Variants in HHAT observed in about 807,000 individuals in gnomAD.
HHAT encodes the protein hedgehog acyltransferase, also known as protein-cysteine N-palmitoyltransferase HHAT.
Under a neutral mutation model 70.8 loss-of-function variants are expected in HHAT, and 47 were observed. That is an observed-to-expected ratio of 0.66 (90% CI 0.53 to 0.85). The LOEUF is 0.85. Among genes scored for constraint, HHAT ranks in the 40% least tolerant of loss-of-function variants. The probability of loss-of-function intolerance (pLI) is 0.00; values close to 1 mark genes in which losing one functional copy is unlikely to be tolerated. For synonymous variants in HHAT, 228 were observed against 247.6 expected, an observed-to-expected ratio of 0.92 and a Z score of 0.74; for missense variants, 609 against 604.8, an observed-to-expected ratio of 1.01 and a Z score of -0.07.
intron 9 of HHAT, among the ~76,000 whole-genome samples, chr1:210,518,410 C>T (rs989930001): frequency 3.3e-5 from 5 of 152,176 alleles, no homozygotes; most frequent in Non-Finnish European, 5.9e-5. Flanking sequence ...TCACAAATAA[C>T]AGGATTTCAT....
At chr1:210,567,050 T>G (rs1384220667) in intron 9 of HHAT, among the ~76,000 whole-genome samples, 1 of 152,224 alleles carries the variant, frequency 6.6e-6, no homozygotes, top group Non-Finnish European at 1.5e-5. Flanking sequence ...TGCACATCTC[T>G]GTCTCTGTGC....
rs548274871 is a variant in HHAT, at chr1:210,399,437, A to G, written c.274-1031A>G. On this transcript the variant is annotated intron_variant, in intron 4 of 11. Coordinates refer to ENST00000261458, the MANE Select transcript of HHAT (RefSeq NM_018194.6). ...CCTGGCTAATTTTTGTATTTTTAGT[A>G]GAGATGGGGTTTTGCCATGTTGGTC... 5.9e-5 allele frequency among the ~76,000 whole-genome samples: 9 copies of G among 152,238 alleles called. No individual in the cohort carries two copies. In the South Asian group the frequency reaches 1.9e-3, roughly 32 times the overall value.
At chr1:210,580,787 T>C (rs1447819902) in intron 9 of HHAT, among the ~76,000 whole-genome samples, 1 of 152,116 alleles carries the variant, frequency 6.6e-6, no homozygotes, top group African/African-American at 2.4e-5. Context: ...AAAAAACATA[T>C]GTGTGCATGT....
intron 6 of HHAT, among the ~76,000 whole-genome samples, chr1:210,412,149 C>G (rs2092580669): frequency 6.6e-6 from 1 of 152,072 alleles, no homozygotes; most frequent in East Asian, 1.9e-4. Flanking sequence ...TGAAGAATGC[C>G]CTCATGACCT....
intron 11 of HHAT, among the ~76,000 whole-genome samples, chr1:210,636,487 TAGAC>T (rs1671888967): frequency 6.6e-6 from 1 of 152,242 alleles, no homozygotes. Context: ...CAGCACAGTC[TAGAC>T]AGACAGATGT....
intron 4 of HHAT, among the ~76,000 whole-genome samples, chr1:210,394,229 CTTTTTTTTTTTTTTTTTTT>C (rs59554789): frequency 5.5e-4 from 64 of 116,332 alleles, no homozygotes; most frequent in Admixed American, 4.3e-3. Context: ...CATGATCTAT[CTTTTTTTTTTTTTTTTTTT>C]TTTTTTTTTT....
At chr1:210,644,463 C>T (rs11119555) in intron 11 of HHAT, among the ~76,000 whole-genome samples, 7 of 151,616 alleles carry the variant, frequency 4.6e-5, no homozygotes, top group African/African-American at 1.2e-4. Flanking sequence ...ATTAGCTAGG[C>T]GTGGTGGTGG....
intron 9 of HHAT, among the ~76,000 whole-genome samples, chr1:210,561,048 G>A (rs2148708658): frequency 6.6e-6 from 1 of 152,168 alleles, no homozygotes; most frequent in Non-Finnish European, 1.5e-5. Context: ...GGTGAAAATG[G>A]TCATCTCCTT....
At chr1:210,477,752 G>A (rs924449385) in intron 8 of HHAT, among the ~76,000 whole-genome samples, 4 of 152,152 alleles carry the variant, frequency 2.6e-5, no homozygotes, top group Admixed American at 2.0e-4. Context: ...GAGTGATTGC[G>A]AGGCAGTCAG....
At chr1:210,492,220 C>G (rs1434484565) in intron 8 of HHAT, among the ~76,000 whole-genome samples, 9 of 152,154 alleles carry the variant, frequency 5.9e-5, no homozygotes, top group African/African-American at 2.2e-4. Context: ...TCTGAACAGC[C>G]TACCAGATAT....
rs869305965 is a variant in HHAT at position 210,386,230 on chromosome 1, CTTTTTT to C, written c.160-1217_160-1212del. ...ATTGCAGGAGTCCTTTTCTTTTTTT[CTTTTTT>C]TTTTTTTTTTTTTTTTTTTTGAGAC... On this transcript the variant is annotated intron_variant, in intron 3 of 11. Coordinates refer to ENST00000261458, the MANE Select transcript of HHAT (RefSeq NM_018194.6). 3.3e-3 allele frequency among the ~76,000 whole-genome samples: 228 copies of C among 69,926 alleles called. 4 individuals are homozygous for C. Among genetic ancestry groups the C allele is most frequent in the African/African-American group, 0.013 (204 of 16,046 alleles). The allele number at this position is 69,926 out of a possible 152,430, so 45.9% of individuals were successfully genotyped here.
chr1:210,508,731 T>A (rs1398820745), intron 8 of HHAT, among the ~76,000 whole-genome samples: 2 of 152,252 alleles, frequency 1.3e-5, no homozygotes, highest in African/African-American at 4.8e-5. Context: ...ATATGTTCAC[T>A]CATTTACAGC....
intron 4 of HHAT, among the ~76,000 whole-genome samples, chr1:210,392,771 T>C (rs1218725674): frequency 6.6e-6 from 1 of 152,162 alleles, no homozygotes; most frequent in African/African-American, 2.4e-5. Context: ...TCCTTAGGTC[T>C]AGCCTACAAA....
At chr1:210,432,578 T>C (rs1290803170) in intron 7 of HHAT, among the ~76,000 whole-genome samples, 1 of 151,906 alleles carries the variant, frequency 6.6e-6, no homozygotes, top group Non-Finnish European at 1.5e-5. Flanking sequence ...GAAGCTAATA[T>C]GCTGCTTTAG....
At chr1:210,341,949 C>T (rs183057940) in intron 1 of HHAT, among the ~76,000 whole-genome samples, 2 of 152,198 alleles carry the variant, frequency 1.3e-5, no homozygotes, top group East Asian at 1.9e-4. Context: ...ATTAAATGCA[C>T]GTTCTACCGC....
chr1:210,418,358 C>G (rs751049537), intron 7 of HHAT, 33 bp downstream of exon 7: 1 of 1,541,832 alleles, frequency 6.5e-7, no homozygotes, highest in Non-Finnish European at 8.8e-7. Flanking sequence ...GTGGGATGAG[C>G]CCCAATAGTC....
chr1:210,534,555 A>G (rs2148643658), intron 9 of HHAT, among the ~76,000 whole-genome samples: 1 of 152,318 alleles, frequency 6.6e-6, no homozygotes, highest in South Asian at 2.1e-4. Flanking sequence ...GAATATTTGC[A>G]TATACATAAT....
intron 1 of HHAT, among the ~76,000 whole-genome samples, chr1:210,345,165 G>A (rs117769790): frequency 6.6e-6 from 1 of 152,258 alleles, no homozygotes; most frequent in East Asian, 1.9e-4. Context: ...GGGGGAGTGA[G>A]TATGAGTGGG....
At chr1:210,551,170 G>C (rs915234730) in intron 9 of HHAT, among the ~76,000 whole-genome samples, 1 of 148,832 alleles carries the variant, frequency 6.7e-6, no homozygotes, top group African/African-American at 2.5e-5. Context: ...GAAGCCCAGG[G>C]TTCCTTGTAG....
Sources: allele counts gnomAD v4.1 joint callset (sites outside exome capture counted in the v4.1 genomes callset), GRCh38; gene constraint gnomAD v4.1.1; transcripts MANE v1.5; gene names NCBI Gene and HGNC (gene_info 2026-07-23, HGNC 2026-07-21).